Variants in SLC4A4 observed in about 807,000 individuals in gnomAD.
SLC4A4 encodes electrogenic sodium bicarbonate cotransporter 1.
In SLC4A4, 27 loss-of-function variants were observed where a neutral mutation model predicts 111.5. That is an observed-to-expected ratio of 0.24 (90% CI 0.18 to 0.33). The LOEUF (loss-of-function observed/expected upper bound fraction) is 0.33, where lower values mean the gene tolerates loss of function less well. Among genes scored for constraint, SLC4A4 ranks in the 10% least tolerant of loss-of-function variants. SLC4A4 has a pLI of 1.00. For missense variants in SLC4A4, 909 were observed against 1,315.5 expected, an observed-to-expected ratio of 0.69 and a Z score of 4.78; for synonymous variants, 443 against 463.4, an observed-to-expected ratio of 0.96 and a Z score of 0.57.
chr4:71,475,759 T>G (rs944847058), intron 14 of SLC4A4, among the ~76,000 whole-genome samples: 4 of 151,906 alleles, frequency 2.6e-5, no homozygotes, highest in African/African-American at 9.7e-5. Context: ...ACCTACCTTA[T>G]AGATTTATTT....
intron 3 of SLC4A4, among the ~76,000 whole-genome samples, chr4:71,264,133 G>A (rs1383814119): frequency 2.6e-5 from 4 of 152,024 alleles, no homozygotes; most frequent in African/African-American, 9.7e-5. Flanking sequence ...TACAGATTAA[G>A]GTCCATGTTG....
intron 13 of SLC4A4, among the ~76,000 whole-genome samples, chr4:71,470,004 C>G (rs1727718345): frequency 6.6e-6 from 1 of 151,986 alleles, no homozygotes; most frequent in Non-Finnish European, 1.5e-5. Context: ...ATTCTTAGAA[C>G]AAATCAAGAT....
At chr4:71,388,727 T>A (rs1718992744) in intron 6 of SLC4A4, among the ~76,000 whole-genome samples, 2 of 152,086 alleles carry the variant, frequency 1.3e-5, no homozygotes, top group African/African-American at 4.8e-5. Context: ...TTTTAAAAAA[T>A]TTTTATAGAG....
intron 7 of SLC4A4, among the ~76,000 whole-genome samples, chr4:71,414,507 T>A (rs1373117443): frequency 6.6e-6 from 1 of 152,260 alleles, no homozygotes; most frequent in African/African-American, 2.4e-5. Flanking sequence ...CTATTAACTT[T>A]TAACTCTTGG....
chr4:71,280,810 TA>T (rs953424414), intron 3 of SLC4A4, among the ~76,000 whole-genome samples: 18 of 152,198 alleles, frequency 1.2e-4, no homozygotes. Flanking sequence ...TTTAACTCTA[TA>T]ATCTCTTTCA....
At chr4:71,094,915 G>A (rs1053951398) in intron 2 of SLC4A4, among the ~76,000 whole-genome samples, 1 of 152,106 alleles carries the variant, frequency 6.6e-6, no homozygotes, top group Admixed American at 6.5e-5. Context: ...AGTTTTCAAT[G>A]AACAGGCTAA....
At chr4:71,129,152 G>A (rs1743633083) in intron 2 of SLC4A4, among the ~76,000 whole-genome samples, 1 of 152,048 alleles carries the variant, frequency 6.6e-6, no homozygotes, top group Non-Finnish European at 1.5e-5. Flanking sequence ...CACAGCAACA[G>A]GAACAATAAA....
In SLC4A4 at chr4:71,286,854, TTCTC is replaced by T. The variant is rs372659638; in HGVS notation, c.253+31461_253+31464del. Reference sequence around the variant, plus strand: ...ACTATGTTGTACATTCTGAAATTCATTCTCTCTCTGAATCTTTATAAAACACTGT... The same window carrying T: ...ACTATGTTGTACATTCTGAAATTCATTCTCTGAATCTTTATAAAACACTGT... On this transcript the variant is annotated intron_variant, in intron 3 of 25. Transcript: ENST00000264485. Among the ~76,000 whole-genome samples the T allele has an allele frequency of 1.0e-3, 153 of 152,346 alleles. 3 individuals are homozygous for T. In the East Asian group the frequency reaches 0.028, roughly 28 times the overall value.
intron 3 of SLC4A4, among the ~76,000 whole-genome samples, chr4:71,301,728 A>G (rs1357144437): frequency 4.6e-5 from 7 of 152,214 alleles, no homozygotes; most frequent in African/African-American, 1.2e-4. Context: ...AAAGCCCAAT[A>G]CAGCTGATGT....
At chr4:71,099,022 A>G (rs1742639223) in intron 2 of SLC4A4, among the ~76,000 whole-genome samples, 1 of 152,158 alleles carries the variant, frequency 6.6e-6, no homozygotes, top group Admixed American at 6.5e-5. Context: ...AGACTTCAAT[A>G]CTCTACTGAC....
intron 2 of SLC4A4, among the ~76,000 whole-genome samples, chr4:71,145,701 T>C (rs1430365711): frequency 6.6e-6 from 1 of 152,222 alleles, no homozygotes; most frequent in African/African-American, 2.4e-5. Context: ...GAGGAATTTA[T>C]CCATTTCTTC....
At chr4:71,179,486 C>T (rs377100206) in intron 2 of SLC4A4, among the ~76,000 whole-genome samples, 42 of 152,108 alleles carry the variant, frequency 2.8e-4, no homozygotes, top group Non-Finnish European at 3.5e-4. Flanking sequence ...CTCCTTAAGC[C>T]GATAAGCAAC....
intron 3 of SLC4A4, among the ~76,000 whole-genome samples, chr4:71,270,290 A>G (rs962705441): frequency 1.3e-5 from 2 of 152,060 alleles, no homozygotes; most frequent in African/African-American, 2.4e-5. Context: ...GGGTTTCACC[A>G]TGTTGGCCAG....
At position 71,388,533 on chromosome 4, in the gene SLC4A4, T is replaced by TATTATATTCATTC. The variant is rs61411324; in HGVS notation, c.731-9041_731-9040insATATTCATTCATT. On this transcript the variant is annotated intron_variant, in intron 6 of 25. Transcript: ENST00000264485. ...AGAAATGAAGCTACCTATTATATTA[T>TATTATATTCATTC]ATTCATTCATTCATTCATTCATTCA... is the stretch of plus-strand genomic sequence containing the variant. 1.2e-3 allele frequency among the ~76,000 whole-genome samples: 179 copies of TATTATATTCATTC among 151,930 alleles called. 1 individual carries two copies. The highest frequency in any genetic ancestry group is 4.0e-3 in the African/African-American group (167 of 41,424).
At chr4:71,178,814 A>G (rs2148986389) in intron 2 of SLC4A4, among the ~76,000 whole-genome samples, 1 of 152,356 alleles carries the variant, frequency 6.6e-6, no homozygotes, top group African/African-American at 2.4e-5. Context: ...AAACTATTCC[A>G]ATCAGTAGAA....
intron 7 of SLC4A4, among the ~76,000 whole-genome samples, chr4:71,436,031 C>T (rs371987923): frequency 1.3e-5 from 2 of 152,142 alleles, no homozygotes; most frequent in African/African-American, 4.8e-5. Flanking sequence ...CTAGAAATAC[C>T]ATTTGACCCA....
At chr4:71,369,999 G>A (rs895867845) in intron 6 of SLC4A4, among the ~76,000 whole-genome samples, 3 of 152,176 alleles carry the variant, frequency 2.0e-5, no homozygotes, top group Non-Finnish European at 2.9e-5. Flanking sequence ...GGCTTTTAGA[G>A]CAGGTGTTTT....
chr4:71,467,626 C>T lies in SLC4A4; in HGVS notation c.1631+1049C>T, dbSNP rs552614804. On this transcript the variant is annotated intron_variant, in intron 13 of 25. Transcript: ENST00000264485. Reference sequence around the variant, plus strand: ...AGAGTCCAAGTCTCTTCAGGAATCACTAGAAGTTTCTAATGGACATTGCAA... The same window carrying T: ...AGAGTCCAAGTCTCTTCAGGAATCATTAGAAGTTTCTAATGGACATTGCAA... Among the ~76,000 whole-genome samples, 9 of 152,162 alleles carry T rather than the reference C, an allele frequency of 5.9e-5. No homozygotes were observed. In the South Asian group the frequency reaches 1.9e-3, roughly 32 times the overall value.
intron 1 of SLC4A4, among the ~76,000 whole-genome samples, chr4:71,232,408 T>C (rs545119291): frequency 1.3e-5 from 2 of 152,276 alleles, no homozygotes; most frequent in Admixed American, 6.5e-5. Flanking sequence ...TCTCTTTGTT[T>C]CTGTTTTTCT....
Sources: allele counts gnomAD v4.1 joint callset (sites outside exome capture counted in the v4.1 genomes callset), GRCh38; gene constraint gnomAD v4.1.1; transcripts MANE v1.5; gene names NCBI Gene and HGNC (gene_info 2026-07-23, HGNC 2026-07-21).